Variants in SRPK2 observed in about 807,000 individuals in gnomAD.
SRPK2 encodes the protein SRSF protein kinase 2.
Under a neutral mutation model 90.8 loss-of-function variants are expected in SRPK2, and 21 were observed. The ratio of observed to expected loss-of-function variants is 0.23; its 90% CI spans 0.16 to 0.33. The LOEUF (loss-of-function observed/expected upper bound fraction) is 0.33. Ranked by LOEUF, SRPK2 falls within the 10% of genes least tolerant of loss-of-function variation. The probability of loss-of-function intolerance (pLI) is 1.00; values close to 1 mark genes in which losing one functional copy is unlikely to be tolerated. For synonymous variants in SRPK2, 288 were observed against 311.1 expected (o/e 0.93, Z 0.78); for missense variants, 620 against 869.0 (o/e 0.71, Z 3.60).
intron 2 of SRPK2, among the ~76,000 whole-genome samples, chr7:105,322,425 G>A (rs918505890): frequency 5.9e-5 from 9 of 151,948 alleles, no homozygotes; most frequent in African/African-American, 2.2e-4. Flanking sequence ...GTTGATCCAT[G>A]CTGCAATATG....
At chr7:105,195,939 G>C (rs1794860874) in intron 3 of SRPK2, among the ~76,000 whole-genome samples, 1 of 152,202 alleles carries the variant, frequency 6.6e-6, no homozygotes, top group African/African-American at 2.4e-5. Flanking sequence ...CAAAGTCTAA[G>C]AGGCCATAAT....
At chr7:105,233,570 G>C (rs947120027) in intron 2 of SRPK2, among the ~76,000 whole-genome samples, 1 of 152,008 alleles carries the variant, frequency 6.6e-6, no homozygotes, top group Non-Finnish European at 1.5e-5. Context: ...AATAAAATAC[G>C]GGCTGGGCGC....
chr7:105,382,311 G>A (rs1317014535), intron 2 of SRPK2, among the ~76,000 whole-genome samples: 2 of 152,048 alleles, frequency 1.3e-5, no homozygotes, highest in Admixed American at 1.3e-4. Flanking sequence ...CCAGCACTTT[G>A]GGATGCCAAG....
chr7:105,362,302 GCGA>G (rs1818514907), intron 2 of SRPK2, among the ~76,000 whole-genome samples: 1 of 152,052 alleles, frequency 6.6e-6, no homozygotes. Flanking sequence ...AGTTAGAATG[GCGA>G]TCATTAAAAA....
In SRPK2 at chr7:105,126,255, AT is replaced by A; in HGVS notation, c.1907del (p.Asn636IlefsTer12). On this transcript the variant is annotated frameshift_variant, in exon 15 of 16. Coordinates refer to ENST00000393651, the MANE Select transcript of SRPK2 (RefSeq NM_182692.3). LOFTEE classifies it high-confidence loss of function. ...AAAAAGAAGAGGTACTACCTCTGCG[AT>A]TGAAGAATTCCCGAGAATATTTTCC... Reference protein sequence around the residue: ...LSGKYSREFFNRRGELRHITK... With the variant: ...LSGKYSREFFXRRGELRHITK... The A allele has an allele frequency of 6.2e-7, 1 of 1,613,056 alleles. No individual in the cohort carries two copies. Among genetic ancestry groups the A allele is most frequent in the Non-Finnish European group, 8.5e-7 (1 of 1,179,020 alleles).
At chr7:105,246,729 T>TA (rs961171808) in intron 2 of SRPK2, among the ~76,000 whole-genome samples, 1 of 150,846 alleles carries the variant, frequency 6.6e-6, no homozygotes, top group African/African-American at 2.4e-5. Context: ...AGCATATATA[T>TA]TTTTTTTCAG....
rs1466368133 is a variant in SRPK2 at position 105,132,775 on chromosome 7, G to A, written c.1752+16C>T. On this transcript the variant is annotated intron_variant, in intron 13 of 15. Transcript: ENST00000393651. ...GAGCCAATTCCCATGGCAGCAAAGG[G>A]CACAGCCGTCCTTACCATACACGCC... 2 of 1,591,804 alleles carry A rather than the reference G, an allele frequency of 1.3e-6. No individual in the cohort carries two copies. Among genetic ancestry groups the A allele is most frequent in the South Asian group, 1.1e-5 (1 of 89,062 alleles).
At chr7:105,385,161 C>T (rs1821396248) in intron 2 of SRPK2, among the ~76,000 whole-genome samples, 1 of 135,102 alleles carries the variant, frequency 7.4e-6, no homozygotes, top group Non-Finnish European at 1.6e-5. Flanking sequence ...CGTGAGCCAC[C>T]GCGCCCGGCA....
intron 2 of SRPK2, chr7:105,268,801 T>C (rs56057081): frequency 3.1e-6 from 5 of 1,597,850 alleles, no homozygotes; most frequent in Non-Finnish European, 4.3e-6. Flanking sequence ...GAGATGTAGC[T>C]GTACCTTTCT....
chr7:105,291,007 C>T (rs906621665), intron 2 of SRPK2, among the ~76,000 whole-genome samples: 4 of 136,672 alleles, frequency 2.9e-5, no homozygotes, highest in Middle Eastern at 4.5e-3. Context: ...CACTGCAGTC[C>T]GCAGTCCGGC....
intron 3 of SRPK2, among the ~76,000 whole-genome samples, chr7:105,202,158 A>G (rs1795644620): frequency 6.6e-6 from 1 of 152,230 alleles, no homozygotes; most frequent in Non-Finnish European, 1.5e-5. Flanking sequence ...TGCACCTATG[A>G]AAGAATCAGG....
chr7:105,206,010 T>C (rs780068212), intron 2 of SRPK2: 2 of 518,884 alleles, frequency 3.9e-6, no homozygotes, highest in East Asian at 1.1e-4. Flanking sequence ...GTGCTGCCAG[T>C]GCACGGCACT....
chr7:105,374,913 T>C (rs1450410067), intron 2 of SRPK2, among the ~76,000 whole-genome samples: 1 of 151,970 alleles, frequency 6.6e-6, no homozygotes, highest in African/African-American at 2.4e-5. Context: ...AGCCAGCCCA[T>C]GAAAAATATT....
intron 2 of SRPK2, among the ~76,000 whole-genome samples, chr7:105,375,809 G>A (rs566078364): frequency 1.7e-4 from 26 of 151,774 alleles, no homozygotes; most frequent in Non-Finnish European, 2.6e-4. Context: ...CATGTATTAT[G>A]CAATATTCCA....
At chr7:105,206,296 G>C (rs1444860943) in intron 2 of SRPK2, 4 of 230,480 alleles carry the variant, frequency 1.7e-5, no homozygotes, top group Non-Finnish European at 3.5e-5. Flanking sequence ...CAATGGAGTA[G>C]ACTGCAGTAT....
chr7:105,145,428 A>G, intron 8 of SRPK2, 120 bp from the exon 9 acceptor site: 1 of 611,710 alleles, frequency 1.6e-6, no homozygotes, highest in Non-Finnish European at 2.7e-6. Context: ...AACTTCAAAA[A>G]CTATTAATCA....
chr7:105,315,648 G>C (rs911865568), intron 2 of SRPK2, among the ~76,000 whole-genome samples: 16 of 152,122 alleles, frequency 1.1e-4, no homozygotes, highest in Non-Finnish European at 2.1e-4. Context: ...TTAAAGAAAA[G>C]GTTCCACTGT....
intron 2 of SRPK2, among the ~76,000 whole-genome samples, chr7:105,309,363 A>C (rs1160179797): frequency 6.6e-6 from 1 of 152,202 alleles, no homozygotes; most frequent in Non-Finnish European, 1.5e-5. Context: ...TAAACATTTC[A>C]TTTTATGGGA....
chr7:105,320,470 G>T (rs1333898495), intron 2 of SRPK2, among the ~76,000 whole-genome samples: 2 of 152,118 alleles, frequency 1.3e-5, no homozygotes, highest in Non-Finnish European at 2.9e-5. Context: ...TTGAGAATAA[G>T]TTAAAGTACA....
Sources: gnomAD v4.1 joint callset for allele counts (sites outside exome capture counted in the v4.1 genomes callset) on GRCh38, gnomAD v4.1.1 for gene constraint, MANE v1.5 for transcripts, NCBI Gene and HGNC (gene_info 2026-07-23, HGNC 2026-07-21) for gene names.